The following GLS variants were observed in gnomAD, a reference collection of about 807,000 sequenced individuals.
GLS encodes glutaminase kidney isoform, mitochondrial.
In GLS, 36 loss-of-function variants were observed where a neutral mutation model predicts 86.7. The ratio of observed to expected loss-of-function variants is 0.42; its 90% CI spans 0.32 to 0.55. The LOEUF (loss-of-function observed/expected upper bound fraction) is 0.55, where lower values mean the gene tolerates loss of function less well. Ranked by LOEUF, GLS falls within the 20% of genes least tolerant of loss-of-function variation. The probability of loss-of-function intolerance (pLI) is 0.17; values close to 1 mark genes in which losing one functional copy is unlikely to be tolerated. For missense variants in GLS, 528 were observed against 833.4 expected (o/e 0.63, Z 4.51); for synonymous variants, 317 against 305.9 (o/e 1.04, Z -0.38).
In GLS at chr2:190,924,653, A is replaced by T; in HGVS notation, c.1248+60A>T. The T allele has an allele frequency of 3.2e-6, 3 of 925,584 alleles. No individual in the cohort carries two copies. The South Asian group carries it at 3.9e-5, about 12-fold the overall frequency. 57.3% of individuals were successfully genotyped at this position (925,584 alleles called of 1,614,324 possible). ...ATGTGTCGGCTGGGCACGGTGGCTC[A>T]CGCCTGTAATCCCAGCACTTTGGGA... On this transcript the variant is annotated intron_variant, in intron 11 of 17. Coordinates refer to ENST00000320717, the MANE Select transcript of GLS (RefSeq NM_014905.5). This position sits in a 1 kb window ranked among gnomAD's most constrained non-coding sequence, Gnocchi z 5.2.
In GLS at chr2:190,924,042, A is replaced by T. The variant is rs2124901201; in HGVS notation, c.1197+59A>T. ...CTTTCATTTAATAAAATACATGAAG[A>T]TGTATGCTAAGAATTCAACAATAGC... On this transcript the variant is annotated intron_variant, in intron 10 of 17. Transcript: ENST00000320717. The surrounding 1 kb of genome is among the most constrained non-coding windows in gnomAD (Gnocchi z 5.2). 1 of 879,632 alleles carries T rather than the reference A, an allele frequency of 1.1e-6. No homozygotes were observed. The highest frequency in any genetic ancestry group is 1.9e-6 in the Non-Finnish European group (1 of 539,890). The allele number at this position is 879,632 out of a possible 1,614,324, so 54.5% of individuals were successfully genotyped here. A position where few individuals can be genotyped will look rare whatever the true frequency, so the allele number is the denominator to read the frequency against.
In GLS at chr2:190,954,820, T is replaced by C. The variant is rs1241644814; in HGVS notation, c.1853+2T>C. The C allele has an allele frequency of 6.3e-7, 1 of 1,591,996 alleles. No individual in the cohort carries two copies. On this transcript the variant is annotated splice_donor_variant, in intron 17 of 17. Coordinates refer to ENST00000320717, the MANE Select transcript of GLS (RefSeq NM_014905.5). LOFTEE classifies it high-confidence loss of function. The surrounding 1 kb of genome is among the most constrained non-coding windows in gnomAD (Gnocchi z 4.0). ...AGTAAACCCTTTCCCCAAGGACAGGTGAGCACTTATGTTACCTTCTAAATA... is the reference window on the plus strand; with the variant it reads ...AGTAAACCCTTTCCCCAAGGACAGGCGAGCACTTATGTTACCTTCTAAATA...
intron 17 of GLS, among the ~76,000 whole-genome samples, chr2:190,959,456 T>C (rs893072322): frequency 6.6e-6 from 1 of 152,228 alleles, no homozygotes; most frequent in Admixed American, 6.5e-5. Flanking sequence ...AATTTGATCC[T>C]GTCATTATGA....
chr2:190,919,945 G>A (rs1689681254), intron 7 of GLS: 1 of 152,288 alleles, frequency 6.6e-6, no homozygotes, highest in African/African-American at 2.4e-5. Context: ...TAAAAAAGTG[G>A]ATTTGTAGGT....
At chr2:190,917,433 C>T (rs1689574440) in intron 7 of GLS, among the ~76,000 whole-genome samples, 1 of 152,172 alleles carries the variant, frequency 6.6e-6, no homozygotes, top group African/African-American at 2.4e-5. Flanking sequence ...TTGGACCCCT[C>T]AGTCATCCAT....
In GLS at chr2:190,962,918, C is replaced by T; in HGVS notation, c.1942C>T (p.Pro648Ser). The change falls in exon 18 of 18, where the codon CCT (proline) becomes TCT (serine). Residue 648 changes from proline (P) to serine (S), a missense_variant. By Grantham distance (74) the Pro-to-Ser change is moderately conservative. Transcript: ENST00000320717. The surrounding 1 kb of genome is among the most constrained non-coding windows in gnomAD (Gnocchi z 4.2). ...ILQEYQVQYT[P>S]QGDSDNGKEN... ...CCAAGAATACCAAGTCCAGTACACA[C>T]CTCAAGGAGATTCTGACAACGGGAA... is the stretch of plus-strand genomic sequence containing the variant. 6.2e-7 allele frequency: 1 copy of T among 1,609,416 alleles called. No homozygotes were observed. Among genetic ancestry groups the T allele is most frequent in the Non-Finnish European group, 8.5e-7 (1 of 1,177,348 alleles).
rs974037338 is a variant in GLS at position 190,920,411 on chromosome 2, G to A, written c.1039-613G>A. The stretch of plus-strand genomic sequence containing the variant: ...AAATACAACAGAAGCTAATTTTTTA[G>A]AGACTGTGAAATATAATTTTTTTTA... On this transcript the variant is annotated intron_variant, in intron 7 of 17. Coordinates refer to ENST00000320717, the MANE Select transcript of GLS (RefSeq NM_014905.5). The surrounding 1 kb of genome is among the most constrained non-coding windows in gnomAD (Gnocchi z 4.2). Among the ~76,000 whole-genome samples, 4 of 151,786 alleles carry A rather than the reference G, an allele frequency of 2.6e-5. No individual in the cohort carries two copies. The highest frequency in any genetic ancestry group is 3.0e-5 in the Non-Finnish European group (2 of 67,748).
At chr2:190,894,983 A>G (rs527770266) in intron 1 of GLS, among the ~76,000 whole-genome samples, 169 bp from the exon 2 acceptor site, 1 of 152,298 alleles carries the variant, frequency 6.6e-6, no homozygotes, top group African/African-American at 2.4e-5. Flanking sequence ...AGTGTGGTTT[A>G]TAGTGGTACT....
chr2:190,922,370 G>T (rs1199365334), intron 9 of GLS, among the ~76,000 whole-genome samples: 1 of 151,944 alleles, frequency 6.6e-6, no homozygotes, highest in Non-Finnish European at 1.5e-5. Flanking sequence ...GCATTTCAGG[G>T]GTAAACATTT....
intron 5 of GLS, among the ~76,000 whole-genome samples, chr2:190,904,080 G>A (rs16833040): frequency 6.6e-6 from 1 of 151,596 alleles, no homozygotes; most frequent in Non-Finnish European, 1.5e-5. Flanking sequence ...TTATTTATCT[G>A]CATGGTAATG....
At chr2:190,899,841 G>A (rs1688876139) in intron 3 of GLS, among the ~76,000 whole-genome samples, 1 of 151,742 alleles carries the variant, frequency 6.6e-6, no homozygotes, top group African/African-American at 2.4e-5. Flanking sequence ...CATCCACTTG[G>A]TTTACTATAT....
intron 14 of GLS, among the ~76,000 whole-genome samples, chr2:190,946,542 A>G (rs1360851552): frequency 1.3e-5 from 2 of 152,110 alleles, no homozygotes. Context: ...AACAGGCTGA[A>G]TTCATGTTTA....
intron 14 of GLS, among the ~76,000 whole-genome samples, chr2:190,932,492 A>C (rs1243241483): frequency 1.3e-5 from 2 of 151,938 alleles, no homozygotes; most frequent in Non-Finnish European, 2.9e-5. Context: ...AATTTTTGTT[A>C]GTTTTTATCA....
intron 1 of GLS, among the ~76,000 whole-genome samples, chr2:190,891,407 A>G (rs1320033476): frequency 1.3e-5 from 2 of 152,044 alleles, no homozygotes; most frequent in Non-Finnish European, 2.9e-5. Context: ...AACAATTGAA[A>G]TGATCATTGA....
chr2:190,904,976 TA>T, intron 5 of GLS, 27 bp from the exon 6 acceptor site: 1 of 1,353,642 alleles, frequency 7.4e-7, no homozygotes, highest in East Asian at 2.3e-5. Flanking sequence ...CAGTTGATGT[TA>T]TTTTTTAAAA....
chr2:190,909,723 G>T (rs1272970755), intron 6 of GLS, among the ~76,000 whole-genome samples: 1 of 152,092 alleles, frequency 6.6e-6, no homozygotes, highest in South Asian at 2.1e-4. Context: ...TACCTTTATT[G>T]TCAGGAAATA....
At chr2:190,960,359 AT>A (rs770419477) in intron 17 of GLS, among the ~76,000 whole-genome samples, 4,909 of 101,390 alleles carry the variant, frequency 0.048, 83 homozygotes, top group Admixed American at 0.11. Flanking sequence ...TTAAGCTTCA[AT>A]TTTTTTTTTT....
rs1481339088 is a variant in GLS, at chr2:190,924,843, A to AGGCCGAGGTTGCAGTG, written c.1248+251_1248+266dup. On this transcript the variant is annotated intron_variant, in intron 11 of 17. Transcript: ENST00000320717. This position sits in a 1 kb window ranked among gnomAD's most constrained non-coding sequence, Gnocchi z 5.2. Reference sequence around the variant, plus strand: ...GGCAGGAGAATCCCTTGAACCTGGAAGGCCGAGGTTGCAGTGAGCCGAGAT... The same window carrying AGGCCGAGGTTGCAGTG: ...GGCAGGAGAATCCCTTGAACCTGGAAGGCCGAGGTTGCAGTGGGCCGAGGTTGCAGTGAGCCGAGAT... The AGGCCGAGGTTGCAGTG allele has an allele frequency of 8.3e-6, 3 of 361,924 alleles. No individual in the cohort carries two copies. In the East Asian group the frequency reaches 1.7e-4, roughly 20 times the overall value. The allele number at this position is 361,924 out of a possible 1,614,324, so 22.4% of individuals were successfully genotyped here.
chr2:190,885,707 T>C (rs1688354872), intron 1 of GLS, among the ~76,000 whole-genome samples: 3 of 152,150 alleles, frequency 2.0e-5, no homozygotes, highest in African/African-American at 4.8e-5. Context: ...AGCTAACATA[T>C]TTACAATTCA....
Sources: gnomAD v4.1 joint callset for allele counts (sites outside exome capture counted in the v4.1 genomes callset) on GRCh38, gnomAD v4.1.1 for gene constraint, Gnocchi (gnomAD v3.1) non-coding constraint, MANE v1.5 for transcripts, NCBI Gene and HGNC (gene_info 2026-07-23, HGNC 2026-07-21) for gene names.